ABAT: variants seen among roughly 807,000 people sequenced by gnomAD.
ABAT encodes the protein 4-aminobutyrate aminotransferase.
A neutral mutation model predicts 64.6 loss-of-function variants in ABAT; 45 were observed. That is an observed-to-expected ratio of 0.70 (90% CI 0.55 to 0.89). The LOEUF is 0.89. Ranked by LOEUF, ABAT falls within the 40% of genes least tolerant of loss-of-function variation. The pLI is 0.00. For missense variants in ABAT, 633 were observed against 658.4 expected, an observed-to-expected ratio of 0.96 and a Z score of 0.42; for synonymous variants, 297 against 250.5, an observed-to-expected ratio of 1.19 and a Z score of -1.75.
intron 1 of ABAT, among the ~76,000 whole-genome samples, chr16:8,682,229 A>ACACACACC (rs2057353035): frequency 1.4e-5 from 1 of 69,120 alleles, no homozygotes; most frequent in Non-Finnish European, 4.5e-5. Context: ...ACACACACAG[A>ACACACACC]GGAGGCATTC....
rs1025715545 is a variant in ABAT, at chr16:8,784,281, T to C, written c.*2851T>C. On this transcript the variant is annotated 3_prime_UTR_variant, in exon 16 of 16. Coordinates refer to ENST00000268251, the MANE Select transcript of ABAT (RefSeq NM_020686.6). ...TTTATTATAAATGGGTGTTTTTTCA[T>C]AATTTTTACTGACGCTCAGTAACCA... 6.5e-6 allele frequency: 1 copy of C among 152,686 alleles called. No individual in the cohort carries two copies. The highest frequency in any genetic ancestry group is 1.5e-5 in the Non-Finnish European group (1 of 68,052). 9.5% of individuals were successfully genotyped at this position (152,686 alleles called of 1,614,324 possible). A position where few individuals can be genotyped will look rare whatever the true frequency, so the allele number is the denominator to read the frequency against.
chr16:8,688,053 C>A (rs1322487529), intron 1 of ABAT, among the ~76,000 whole-genome samples: 2 of 148,076 alleles, frequency 1.4e-5, no homozygotes, highest in Non-Finnish European at 3.0e-5. Context: ...CCGTTCCCTG[C>A]CCCGCTATTT....
intron 1 of ABAT, among the ~76,000 whole-genome samples, chr16:8,728,747 G>A (rs1412236846): frequency 6.6e-6 from 1 of 152,128 alleles, no homozygotes; most frequent in African/African-American, 2.4e-5. Context: ...GGTGGCACAT[G>A]CCTATAATCC....
chr16:8,686,805 T>G (rs1413535016), intron 1 of ABAT, among the ~76,000 whole-genome samples: 1 of 152,200 alleles, frequency 6.6e-6, no homozygotes, highest in Non-Finnish European at 1.5e-5. Flanking sequence ...TTGCACCTAA[T>G]GATCACAGCA....
intron 1 of ABAT, among the ~76,000 whole-genome samples, chr16:8,682,945 A>G (rs1009515789): frequency 2.0e-5 from 3 of 152,122 alleles, no homozygotes; most frequent in African/African-American, 7.2e-5. Flanking sequence ...CGTATTTTAG[A>G]CAGATCTGTA....
At chr16:8,679,335 C>G (rs1210317374) in intron 1 of ABAT, among the ~76,000 whole-genome samples, 1 of 152,124 alleles carries the variant, frequency 6.6e-6, no homozygotes, top group East Asian at 1.9e-4. Context: ...CTCATCTCAG[C>G]AGGCCAAGCC....
chr16:8,719,801 A>G (rs1394820364), intron 1 of ABAT, among the ~76,000 whole-genome samples: 1 of 152,158 alleles, frequency 6.6e-6, no homozygotes, highest in Non-Finnish European at 1.5e-5. Flanking sequence ...AGTTGTTCAC[A>G]ATTTTTGTTT....
intron 5 of ABAT, among the ~76,000 whole-genome samples, chr16:8,756,031 A>T (rs1292789840): frequency 6.6e-6 from 1 of 151,378 alleles, no homozygotes; most frequent in Non-Finnish European, 1.5e-5. Context: ...CCTGGGCAAC[A>T]GAGCGAGACT....
chr16:8,692,984 G>T (rs1346681456), intron 1 of ABAT, among the ~76,000 whole-genome samples: 3 of 152,152 alleles, frequency 2.0e-5, no homozygotes, highest in African/African-American at 7.2e-5. Context: ...CTCCTGAGTA[G>T]CTGGGATTAC....
intron 1 of ABAT, among the ~76,000 whole-genome samples, chr16:8,694,100 G>A (rs543553718): frequency 3.7e-4 from 56 of 151,824 alleles, no homozygotes; most frequent in Middle Eastern, 3.4e-3. Flanking sequence ...CACGATCTCC[G>A]CTCACTGCAA....
chr16:8,728,445 C>T (rs57873210), intron 1 of ABAT, among the ~76,000 whole-genome samples: 1,887 of 152,242 alleles, frequency 0.012, 34 homozygotes, highest in African/African-American at 0.043. Flanking sequence ...CGCCTCAGTG[C>T]TCCCTGTTTC....
chr16:8,690,563 G>A (rs970792267), intron 1 of ABAT, among the ~76,000 whole-genome samples: 6 of 152,164 alleles, frequency 3.9e-5, no homozygotes, highest in African/African-American at 1.2e-4. Context: ...CAACATTTCT[G>A]GGGAGTAGGA....
intron 12 of ABAT, among the ~76,000 whole-genome samples, 181 bp from the exon 13 acceptor site, chr16:8,774,709 G>C (rs560861355): frequency 6.6e-6 from 1 of 152,314 alleles, no homozygotes; most frequent in South Asian, 2.1e-4. Context: ...GAACTGCTCA[G>C]CTTAAGTGTT....
chr16:8,718,646 C>A (rs2058279433), intron 1 of ABAT, among the ~76,000 whole-genome samples: 1 of 152,120 alleles, frequency 6.6e-6, no homozygotes, highest in African/African-American at 2.4e-5. Context: ...CTGAGCCAGC[C>A]CCTGCCTCTG....
intron 5 of ABAT, among the ~76,000 whole-genome samples, 158 bp from the exon 6 acceptor site, chr16:8,757,599 C>A (rs2059684586): frequency 1.3e-5 from 2 of 152,020 alleles, no homozygotes; most frequent in South Asian, 4.1e-4. Flanking sequence ...TTAGGTGGGG[C>A]CCCAGGAATC....
intron 3 of ABAT, among the ~76,000 whole-genome samples, chr16:8,746,838 C>G (rs2059346960): frequency 1.3e-5 from 2 of 152,180 alleles, no homozygotes; most frequent in Admixed American, 1.3e-4. Context: ...AAGCCAATTG[C>G]TCGTGCATTT....
At chr16:8,682,969 G>C (rs940786883) in intron 1 of ABAT, among the ~76,000 whole-genome samples, 1 of 152,206 alleles carries the variant, frequency 6.6e-6, no homozygotes, top group East Asian at 1.9e-4. Context: ...CCCACACTCA[G>C]AGCTAAGCTA....
At chr16:8,682,166 A>G (rs1567268510) in intron 1 of ABAT, among the ~76,000 whole-genome samples, 1 of 148,400 alleles carries the variant, frequency 6.7e-6, no homozygotes, top group Non-Finnish European at 1.5e-5. Flanking sequence ...TTTCAATCAG[A>G]TTGCTTGTGC....
At chr16:8,729,046 C>A (rs1342226604) in intron 1 of ABAT, among the ~76,000 whole-genome samples, 2 of 152,144 alleles carry the variant, frequency 1.3e-5, no homozygotes, top group Non-Finnish European at 2.9e-5. Context: ...GTGGCTCACG[C>A]CTGTAATCTC....
Sources: gnomAD v4.1 joint callset for allele counts (sites outside exome capture counted in the v4.1 genomes callset) on GRCh38, gnomAD v4.1.1 for gene constraint, MANE v1.5 for transcripts, NCBI Gene and HGNC (gene_info 2026-07-23, HGNC 2026-07-21) for gene names.